The following CORIN variants were observed in gnomAD, a reference collection of about 807,000 sequenced individuals.
CORIN encodes atrial natriuretic peptide-converting enzyme.
Under a neutral mutation model 125.3 loss-of-function variants are expected in CORIN, and 117 were observed. The observed-to-expected ratio is 0.93, with a 90% CI of 0.80 to 1.09. CORIN has a LOEUF of 1.09. Among genes scored for constraint, CORIN ranks in the 50% least tolerant of loss-of-function variants. The probability of loss-of-function intolerance (pLI) is 0.00; values close to 1 mark genes in which losing one functional copy is unlikely to be tolerated. For synonymous variants in CORIN, 450 were observed against 466.4 expected (o/e 0.96, Z 0.45); for missense variants, 1,253 against 1,306.7 (o/e 0.96, Z 0.63).
At chr4:47,671,605 G>A in intron 10 of CORIN, among the ~76,000 whole-genome samples, 1 of 152,056 alleles carries the variant, frequency 6.6e-6, no homozygotes, top group East Asian at 1.9e-4. Flanking sequence ...TTTTTATTGA[G>A]ACGGAATCTC....
chr4:47,664,551 T>A (rs779613681), intron 11 of CORIN, among the ~76,000 whole-genome samples: 17 of 152,122 alleles, frequency 1.1e-4, no homozygotes, highest in Non-Finnish European at 2.9e-5. Context: ...AAATAGCGCA[T>A]CTTATTTCAT....
At chr4:47,706,663 C>A (rs1485098642) in intron 5 of CORIN, 3 of 1,610,218 alleles carry the variant, frequency 1.9e-6, no homozygotes, top group Admixed American at 1.7e-5. Flanking sequence ...TTGCTCGAAG[C>A]CTTCAGTCCG....
chr4:47,716,951 T>G (rs1290935811), intron 5 of CORIN, among the ~76,000 whole-genome samples: 1 of 152,104 alleles, frequency 6.6e-6, no homozygotes, highest in Non-Finnish European at 1.5e-5. Context: ...CAATGGAAAG[T>G]AGAGAAATAC....
intron 2 of CORIN, among the ~76,000 whole-genome samples, chr4:47,800,658 C>T (rs540053389): frequency 5.9e-5 from 9 of 152,260 alleles, no homozygotes; most frequent in Admixed American, 4.6e-4. Flanking sequence ...AGTTTCAGGA[C>T]GGTTTACTGT....
intron 1 of CORIN, among the ~76,000 whole-genome samples, chr4:47,820,454 A>G (rs1176628153): frequency 6.6e-6 from 1 of 152,196 alleles, no homozygotes; most frequent in African/African-American, 2.4e-5. Context: ...AGCTCCACTT[A>G]GCCCAAGGAA....
At chr4:47,732,571 T>C (rs938292129) in intron 5 of CORIN, among the ~76,000 whole-genome samples, 1 of 151,534 alleles carries the variant, frequency 6.6e-6, no homozygotes, top group Non-Finnish European at 1.5e-5. Context: ...TACTCTTTTT[T>C]TTTTTTTTTT....
chr4:47,717,913 G>T (rs1727174889), intron 5 of CORIN, among the ~76,000 whole-genome samples: 1 of 152,058 alleles, frequency 6.6e-6, no homozygotes, highest in African/African-American at 2.4e-5. Context: ...GATGAACAAA[G>T]ACACACACAA....
chr4:47,805,717 A>G (rs1731763809), intron 2 of CORIN, among the ~76,000 whole-genome samples: 1 of 152,206 alleles, frequency 6.6e-6, no homozygotes, highest in African/African-American at 2.4e-5. Flanking sequence ...AATATCATAA[A>G]AAGCCTAATA....
chr4:47,753,790 C>T (rs1729016772), intron 4 of CORIN, among the ~76,000 whole-genome samples: 3 of 151,936 alleles, frequency 2.0e-5, no homozygotes, highest in African/African-American at 4.8e-5. Context: ...TTCAAACACA[C>T]GTTTTACAAT....
rs984443836 is a variant in CORIN, at chr4:47,705,835, T to C, written c.800-12752A>G. Among the ~76,000 whole-genome samples the C allele has an allele frequency of 1.8e-4, 27 of 150,336 alleles. 1 individual carries two copies. The highest frequency in any genetic ancestry group is 6.6e-4 in the African/African-American group (26 of 39,624). On this transcript the variant is annotated intron_variant, in intron 5 of 21. Transcript: ENST00000273857. The stretch of plus-strand genomic sequence containing the variant: ...TCAAGCACACGGCCCGTAAAATATT[T>C]GTGAAGTGCCCCCCGTGTGTAACAG...
intron 12 of CORIN, among the ~76,000 whole-genome samples, chr4:47,659,321 T>A (rs1484637931): frequency 6.6e-6 from 1 of 152,224 alleles, no homozygotes; most frequent in Non-Finnish European, 1.5e-5. Context: ...TCAGGTATCT[T>A]TATAGCAATG....
At chr4:47,599,965 T>C (rs1023645749) in intron 21 of CORIN, among the ~76,000 whole-genome samples, 4 of 152,212 alleles carry the variant, frequency 2.6e-5, no homozygotes, top group African/African-American at 7.2e-5. Flanking sequence ...CTCCTGTTGC[T>C]GAACAAGGGT....
intron 19 of CORIN, among the ~76,000 whole-genome samples, chr4:47,611,425 A>G (rs1721864316): frequency 6.6e-6 from 1 of 152,106 alleles, no homozygotes; most frequent in Non-Finnish European, 1.5e-5. Flanking sequence ...AATGCTAGCA[A>G]TTTTTGCACA....
chr4:47,768,232 G>T (rs566897223), intron 3 of CORIN, among the ~76,000 whole-genome samples: 1 of 151,844 alleles, frequency 6.6e-6, no homozygotes, highest in East Asian at 1.9e-4. Context: ...CTCTCTTTTC[G>T]GACTCAGCCC....
At position 47,707,011 on chromosome 4, in the gene CORIN, A is replaced by T. The variant is rs558282876; in HGVS notation, c.800-13928T>A. ...AATACAAGTAAAGTTTGTAAAATTC[A>T]TACCTAATAAACAATTTAGGACAGT... On this transcript the variant is annotated intron_variant, in intron 5 of 21. Coordinates refer to ENST00000273857, the MANE Select transcript of CORIN (RefSeq NM_006587.4). 100 of 1,501,126 alleles carry T rather than the reference A, an allele frequency of 6.7e-5. No individual in the cohort carries two copies. The East Asian group carries it at 2.4e-3, about 36-fold the overall frequency. 93.0% of individuals were successfully genotyped at this position (1,501,126 alleles called of 1,614,324 possible).
At chr4:47,671,324 A>G (rs745550753) in intron 10 of CORIN, among the ~76,000 whole-genome samples, 2 of 152,156 alleles carry the variant, frequency 1.3e-5, no homozygotes, top group African/African-American at 2.4e-5. Context: ...TCCAAACTCA[A>G]ATTTTCCTTT....
At chr4:47,836,623 C>T (rs756507095) in intron 1 of CORIN, among the ~76,000 whole-genome samples, 2 of 152,206 alleles carry the variant, frequency 1.3e-5, no homozygotes, top group Non-Finnish European at 2.9e-5. Context: ...AAGTTTCCCG[C>T]GGGAGGAAAG....
At position 47,803,242 on chromosome 4, in the gene CORIN, G is replaced by A. The variant is rs185389648; in HGVS notation, c.208+3661C>T. 2.0e-5 allele frequency among the ~76,000 whole-genome samples: 3 copies of A among 152,308 alleles called. No homozygotes were observed. In the East Asian group the frequency reaches 5.8e-4, roughly 29 times the overall value. ...AATGGCAAGATATTTGATGTTCATG[G>A]ATTGGAAGAATCAATATTGTTAACA... On this transcript the variant is annotated intron_variant, in intron 2 of 21. Coordinates refer to ENST00000273857, the MANE Select transcript of CORIN (RefSeq NM_006587.4).
intron 1 of CORIN, among the ~76,000 whole-genome samples, chr4:47,815,236 A>G (rs1014752581): frequency 7.2e-5 from 11 of 152,298 alleles, no homozygotes; most frequent in African/African-American, 2.6e-4. Flanking sequence ...CCCCAAAAGT[A>G]AAGTGAAATT....
Sources: allele counts gnomAD v4.1 joint callset (sites outside exome capture counted in the v4.1 genomes callset), GRCh38; gene constraint gnomAD v4.1.1; transcripts MANE v1.5; gene names NCBI Gene and HGNC (gene_info 2026-07-23, HGNC 2026-07-21).